Variants in NUDCD3 observed in about 807,000 individuals in gnomAD.
NUDCD3 encodes nudC domain-containing protein 3.
In NUDCD3, 13 loss-of-function variants were observed where a neutral mutation model predicts 39.7. The ratio of observed to expected loss-of-function variants is 0.33; its 90% CI spans 0.21 to 0.52. NUDCD3 has a LOEUF of 0.52. Among genes scored for constraint, NUDCD3 ranks in the 20% least tolerant of loss-of-function variants. The pLI is 0.96. For synonymous variants in NUDCD3, 175 were observed against 172.4 expected (o/e 1.02, Z -0.12); for missense variants, 453 against 458.1 (o/e 0.99, Z 0.10).
chr7:44,432,471 T>C (rs1479663475), intron 2 of NUDCD3, among the ~76,000 whole-genome samples: 3 of 152,222 alleles, frequency 2.0e-5, no homozygotes, highest in Non-Finnish European at 2.9e-5. Flanking sequence ...AGAGAGAGAA[T>C]GCCTATGATA....
At chr7:44,487,948 AT>A (rs1437541873) in intron 1 of NUDCD3, among the ~76,000 whole-genome samples, 1 of 151,758 alleles carries the variant, frequency 6.6e-6, no homozygotes, top group Non-Finnish European at 1.5e-5. Context: ...ATGAGACTCC[AT>A]CTCAAAAATA....
intron 2 of NUDCD3, among the ~76,000 whole-genome samples, chr7:44,472,400 T>C (rs1458331276): frequency 6.6e-6 from 1 of 152,160 alleles, no homozygotes; most frequent in African/African-American, 2.4e-5. Flanking sequence ...CAAAAGAACA[T>C]AAAGCAAGAC....
intron 3 of NUDCD3, among the ~76,000 whole-genome samples, chr7:44,411,619 C>T (rs947597462): frequency 1.3e-5 from 2 of 152,252 alleles, no homozygotes; most frequent in East Asian, 3.9e-4. Flanking sequence ...AAAAACAAAA[C>T]CAAAACAGAC....
At chr7:44,421,326 C>T (rs952180160) in intron 3 of NUDCD3, among the ~76,000 whole-genome samples, 3 of 102,676 alleles carry the variant, frequency 2.9e-5, no homozygotes, top group African/African-American at 1.3e-4. Context: ...GAGCAAGACT[C>T]CGTCTAAAAA....
chr7:44,452,647 A>G (rs1314521971), intron 2 of NUDCD3, among the ~76,000 whole-genome samples: 4 of 152,170 alleles, frequency 2.6e-5, no homozygotes, highest in African/African-American at 4.8e-5. Context: ...TTGGGAGAGG[A>G]AAAAATGGTC....
intron 1 of NUDCD3, among the ~76,000 whole-genome samples, chr7:44,488,293 C>A (rs1800658962): frequency 1.3e-5 from 2 of 150,128 alleles, no homozygotes; most frequent in Non-Finnish European, 3.0e-5. Context: ...TGAGATCATG[C>A]CACTGCACTC....
At chr7:44,400,163 C>T (rs904309215) in intron 4 of NUDCD3, among the ~76,000 whole-genome samples, 3 of 152,082 alleles carry the variant, frequency 2.0e-5, no homozygotes, top group Admixed American at 6.5e-5. Flanking sequence ...AACGAGCTAT[C>T]GGAAAAAAGA....
At chr7:44,445,982 G>GA (rs1799683877) in intron 2 of NUDCD3, among the ~76,000 whole-genome samples, 1 of 152,186 alleles carries the variant, frequency 6.6e-6, no homozygotes, top group Non-Finnish European at 1.5e-5. Flanking sequence ...TAAAGTCAGG[G>GA]AAACAACACT....
intron 3 of NUDCD3, among the ~76,000 whole-genome samples, chr7:44,410,785 G>A (rs186610775): frequency 6.6e-6 from 1 of 152,172 alleles, no homozygotes; most frequent in Admixed American, 6.5e-5. Flanking sequence ...TGGCCAACAG[G>A]GGGTAACCAT....
At chr7:44,416,243 C>T (rs1799020645) in intron 3 of NUDCD3, among the ~76,000 whole-genome samples, 1 of 152,036 alleles carries the variant, frequency 6.6e-6, no homozygotes, top group African/African-American at 2.4e-5. Context: ...GCCACCATCC[C>T]CAGCTAAATT....
chr7:44,395,434 G>C (rs1453704273), intron 4 of NUDCD3, among the ~76,000 whole-genome samples: 1 of 152,226 alleles, frequency 6.6e-6, no homozygotes, highest in Non-Finnish European at 1.5e-5. Context: ...CCATTCAAAA[G>C]TGAACCAATG....
chr7:44,488,479 T>C (rs1800664428), intron 1 of NUDCD3, among the ~76,000 whole-genome samples: 1 of 152,104 alleles, frequency 6.6e-6, no homozygotes, highest in Non-Finnish European at 1.5e-5. Flanking sequence ...CTTATTGCTC[T>C]CCACCAAGAT....
intron 2 of NUDCD3, among the ~76,000 whole-genome samples, chr7:44,476,790 G>T (rs1165721659): frequency 6.6e-6 from 1 of 152,150 alleles, no homozygotes; most frequent in African/African-American, 2.4e-5. Context: ...TGAAAATGTG[G>T]GCACAGCCAG....
At chr7:44,478,643 A>G (rs1800430051) in intron 2 of NUDCD3, among the ~76,000 whole-genome samples, 1 of 152,260 alleles carries the variant, frequency 6.6e-6, no homozygotes, top group Non-Finnish European at 1.5e-5. Context: ...AGTAGGGCAG[A>G]AACAAGAATG....
chr7:44,415,941 A>G (rs1799012747), intron 3 of NUDCD3, among the ~76,000 whole-genome samples: 1 of 152,248 alleles, frequency 6.6e-6, no homozygotes, highest in Non-Finnish European at 1.5e-5. Flanking sequence ...CCAGGCCAGA[A>G]AGAAAGTACA....
At chr7:44,431,473 C>A (rs1799361357) in intron 2 of NUDCD3, among the ~76,000 whole-genome samples, 1 of 152,122 alleles carries the variant, frequency 6.6e-6, no homozygotes, top group African/African-American at 2.4e-5. Context: ...CTGAGTGTGG[C>A]AAGCCAGGCA....
At chr7:44,437,122 T>G (rs753052933) in intron 2 of NUDCD3, among the ~76,000 whole-genome samples, 130 of 147,656 alleles carry the variant, frequency 8.8e-4, no homozygotes, top group Middle Eastern at 3.5e-3. Context: ...CAGGCTGGAG[T>G]GCAATGGTGC....
chr7:44,459,421 C>A (rs899806264), intron 2 of NUDCD3, among the ~76,000 whole-genome samples: 1 of 152,232 alleles, frequency 6.6e-6, no homozygotes, highest in South Asian at 2.1e-4. Flanking sequence ...CTCCTGGGCT[C>A]ATGCAATCCT....
chr7:44,391,421 C>T (rs777617405), intron 5 of NUDCD3, among the ~76,000 whole-genome samples: 19 of 152,132 alleles, frequency 1.2e-4, no homozygotes, highest in Non-Finnish European at 5.9e-5. Flanking sequence ...CGTGCTGTAC[C>T]GGAAGGTAAG....
Sources: allele counts gnomAD v4.1 joint callset (sites outside exome capture counted in the v4.1 genomes callset), GRCh38; gene constraint gnomAD v4.1.1; transcripts MANE v1.5; gene names NCBI Gene and HGNC (gene_info 2026-07-23, HGNC 2026-07-21).